The following HERC4 variants were observed in gnomAD, a reference collection of about 807,000 sequenced individuals.
The protein encoded by HERC4 is HECT and RLD domain containing E3 ubiquitin protein ligase 4, also known as probable E3 ubiquitin-protein ligase HERC4.
HERC4 carries 28 observed loss-of-function variants against 124.3 expected under a neutral mutation model. That is an observed-to-expected ratio of 0.23 (90% CI 0.17 to 0.31). HERC4 has a LOEUF of 0.31. HERC4 is among the 10% of genes least tolerant of loss of function. The probability of loss-of-function intolerance (pLI) is 1.00; values close to 1 mark genes in which losing one functional copy is unlikely to be tolerated. For missense variants in HERC4, 713 were observed against 1,229.3 expected (o/e 0.58, Z 6.28); for synonymous variants, 407 against 421.5 (o/e 0.97, Z 0.42).
chr10:67,940,921 C>T lies in HERC4; in HGVS notation c.2504+18G>A, dbSNP rs1564931907. 6.2e-7 allele frequency: 1 copy of T among 1,600,410 alleles called. No individual in the cohort carries two copies. The highest frequency in any genetic ancestry group is 1.7e-5 in the Admixed American group (1 of 57,398). On this transcript the variant is annotated intron_variant, in intron 20 of 24. Transcript: ENST00000373700. The stretch of plus-strand genomic sequence containing the variant: ...CCTCCCAAACCCTACTACTTTTTGA[C>T]TTTTTTTTCCAACTAACCTCCCAAC...
intron 7 of HERC4, among the ~76,000 whole-genome samples, chr10:68,031,915 C>G (rs2039227068): frequency 6.6e-6 from 1 of 152,088 alleles, no homozygotes; most frequent in Non-Finnish European, 1.5e-5. Context: ...CCATGCCCAG[C>G]TAACTTTCGT....
At chr10:68,000,509 G>C (rs903193927) in intron 9 of HERC4, among the ~76,000 whole-genome samples, 3 of 151,836 alleles carry the variant, frequency 2.0e-5, no homozygotes, top group Admixed American at 6.6e-5. Context: ...AGTCTGGGAG[G>C]TGGAGGCTGC....
chr10:67,967,570 G>T (rs887777816), intron 15 of HERC4, among the ~76,000 whole-genome samples: 2 of 152,108 alleles, frequency 1.3e-5, no homozygotes, highest in African/African-American at 4.8e-5. Flanking sequence ...TACCACCCTA[G>T]AGATTACCTA....
chr10:67,998,573 G>T (rs2037042140), intron 9 of HERC4, among the ~76,000 whole-genome samples: 1 of 120,550 alleles, frequency 8.3e-6, no homozygotes, highest in African/African-American at 2.9e-5. Context: ...AGGGGGGGGG[G>T]TACAGTACTA....
At chr10:67,926,400 TA>T (rs1415973423) in intron 23 of HERC4, among the ~76,000 whole-genome samples, 2 of 124,158 alleles carry the variant, frequency 1.6e-5, no homozygotes, top group African/African-American at 6.3e-5. Context: ...TCCATCTCAA[TA>T]AAAAAAATAA....
At chr10:67,926,621 A>T (rs2031007355) in intron 23 of HERC4, among the ~76,000 whole-genome samples, 1 of 152,038 alleles carries the variant, frequency 6.6e-6, no homozygotes, top group Non-Finnish European at 1.5e-5. Flanking sequence ...CATCAGGCTA[A>T]TTTTTACCCT....
At chr10:68,062,303 C>T (rs1006795326) in intron 3 of HERC4, among the ~76,000 whole-genome samples, 1 of 152,100 alleles carries the variant, frequency 6.6e-6, no homozygotes, top group Non-Finnish European at 1.5e-5. Flanking sequence ...TATTTCTATA[C>T]TAATGAATAT....
chr10:68,075,263 G>GGGTGC lies in HERC4; in HGVS notation c.-229_-228insGCACC, dbSNP rs1190714658. 6.5e-6 allele frequency: 1 copy of GGGTGC among 152,972 alleles called. No individual in the cohort carries two copies. Among genetic ancestry groups the GGGTGC allele is most frequent in the African/African-American group, 2.4e-5 (1 of 41,424 alleles). 9.5% of individuals were successfully genotyped at this position (152,972 alleles called of 1,614,324 possible). On this transcript the variant is annotated 5_prime_UTR_variant, in exon 1 of 25. Coordinates refer to ENST00000373700, the MANE Select transcript of HERC4 (RefSeq NM_015601.4). The stretch of plus-strand genomic sequence containing the variant: ...AGCGGGGCGGAGAGCACCAGGGGTG[G>GGGTGC]GGAGAGTTGGGGAAGAGACTGGGTA...
At chr10:67,993,496 CAGCAA>C (rs1024783771) in intron 9 of HERC4, 1 of 151,134 alleles carries the variant, frequency 6.6e-6, no homozygotes, top group Admixed American at 6.6e-5. Context: ...CACTGCACTC[CAGCAA>C]GCAACATAGC....
At chr10:67,996,343 T>C (rs2036881139) in intron 9 of HERC4, among the ~76,000 whole-genome samples, 1 of 151,804 alleles carries the variant, frequency 6.6e-6, no homozygotes, top group Non-Finnish European at 1.5e-5. Flanking sequence ...GAAACAGTCT[T>C]GATTAGTGCA....
intron 15 of HERC4, among the ~76,000 whole-genome samples, chr10:67,982,262 C>A (rs1338721826): frequency 6.6e-6 from 1 of 152,094 alleles, no homozygotes; most frequent in Non-Finnish European, 1.5e-5. Context: ...GGCATGAAAA[C>A]AGACACATAA....
At chr10:67,992,823 A>C in intron 9 of HERC4, 141 bp from the exon 10 acceptor site, 1 of 576,886 alleles carries the variant, frequency 1.7e-6, no homozygotes, top group Non-Finnish European at 3.1e-6. Flanking sequence ...AGTGACTTGA[A>C]ATATTCTGAC....
chr10:68,040,816 G>A (rs531866902), intron 4 of HERC4, among the ~76,000 whole-genome samples: 1 of 151,376 alleles, frequency 6.6e-6, no homozygotes, highest in East Asian at 1.9e-4. Flanking sequence ...TTGAACCCAG[G>A]AGGCGGAAGT....
At chr10:68,066,583 C>T (rs1419496834) in intron 3 of HERC4, among the ~76,000 whole-genome samples, 1 of 152,162 alleles carries the variant, frequency 6.6e-6, no homozygotes, top group African/African-American at 2.4e-5. Flanking sequence ...ATCCACCAAA[C>T]CAATGCATCT....
At chr10:68,009,612 C>T (rs1176096256) in intron 9 of HERC4, among the ~76,000 whole-genome samples, 1 of 152,110 alleles carries the variant, frequency 6.6e-6, no homozygotes, top group Admixed American at 6.6e-5. Context: ...GTGGTAATTG[C>T]TGAAGGCTGG....
chr10:68,069,143 T>C (rs1002033994), intron 3 of HERC4: 2 of 969,166 alleles, frequency 2.1e-6, no homozygotes, highest in Non-Finnish European at 2.5e-6. Context: ...AGATACACAG[T>C]AAGAAAAGGA....
chr10:67,959,103 C>T (rs769823359), intron 16 of HERC4: 1 of 1,596,546 alleles, frequency 6.3e-7, no homozygotes, highest in Non-Finnish European at 8.5e-7. Context: ...CTTTATTACA[C>T]CAAACTTACC....
chr10:67,998,193 G>A (rs1396040398), intron 9 of HERC4, among the ~76,000 whole-genome samples: 2 of 151,188 alleles, frequency 1.3e-5, no homozygotes, highest in Non-Finnish European at 2.9e-5. Context: ...CAGTGTACCC[G>A]GCTGGAAAAT....
intron 3 of HERC4, among the ~76,000 whole-genome samples, chr10:68,046,624 G>A (rs1006019374): frequency 6.6e-6 from 1 of 152,168 alleles, no homozygotes; most frequent in Admixed American, 6.5e-5. Context: ...TAAATGCTAA[G>A]ATAAACATAT....
Sources: gnomAD v4.1 joint callset for allele counts (sites outside exome capture counted in the v4.1 genomes callset) on GRCh38, gnomAD v4.1.1 for gene constraint, MANE v1.5 for transcripts, NCBI Gene and HGNC (gene_info 2026-07-23, HGNC 2026-07-21) for gene names.